The following NRXN1 variants were observed in gnomAD, a reference collection of about 807,000 sequenced individuals.
NRXN1 encodes the protein neurexin-1.
A neutral mutation model predicts 150.9 loss-of-function variants in NRXN1; 39 were observed. The observed-to-expected ratio is 0.26, with a 90% CI of 0.20 to 0.34. The LOEUF (loss-of-function observed/expected upper bound fraction) is 0.34. Among genes scored for constraint, NRXN1 ranks in the 10% least tolerant of loss-of-function variants. The pLI is 1.00. For missense variants in NRXN1, 1,815 were observed against 1,949.9 expected (o/e 0.93, Z 1.30); for synonymous variants, 924 against 757.0 (o/e 1.22, Z -3.62).
At chr2:50,202,007 T>G (rs746350553) in intron 18 of NRXN1, among the ~76,000 whole-genome samples, 1 of 152,194 alleles carries the variant, frequency 6.6e-6, no homozygotes, top group Non-Finnish European at 1.5e-5. Flanking sequence ...TTACTGAGTA[T>G]CTCTCCTAAT....
At chr2:50,610,783 C>T (rs113435471) in intron 8 of NRXN1, among the ~76,000 whole-genome samples, 1 of 141,656 alleles carries the variant, frequency 7.1e-6, no homozygotes, top group African/African-American at 2.7e-5. Flanking sequence ...TATATATATA[C>T]ACACACACAT....
At chr2:50,391,089 G>T (rs966265330) in intron 17 of NRXN1, among the ~76,000 whole-genome samples, 2 of 151,934 alleles carry the variant, frequency 1.3e-5, no homozygotes, top group Admixed American at 1.3e-4. Flanking sequence ...AAGAATTTTG[G>T]CCTCCCTAGT....
chr2:50,503,075 A>G (rs989341912), intron 13 of NRXN1, among the ~76,000 whole-genome samples: 5 of 152,150 alleles, frequency 3.3e-5, no homozygotes, highest in African/African-American at 1.2e-4. Context: ...TGGGAGGCCA[A>G]TATGGGTGGA....
chr2:50,107,677 A>G (rs1325936828), intron 18 of NRXN1, among the ~76,000 whole-genome samples: 1 of 151,624 alleles, frequency 6.6e-6, no homozygotes, highest in African/African-American at 2.4e-5. Context: ...GGCAGTTAAT[A>G]AAACTATTAC....
At chr2:50,861,231 T>G (rs1676088071) in intron 5 of NRXN1, among the ~76,000 whole-genome samples, 1 of 152,012 alleles carries the variant, frequency 6.6e-6, no homozygotes, top group Non-Finnish European at 1.5e-5. Context: ...TCTTATTATT[T>G]TGAGACAGAG....
At chr2:50,594,398 A>T (rs866252537) in intron 8 of NRXN1, among the ~76,000 whole-genome samples, 9 of 152,218 alleles carry the variant, frequency 5.9e-5, no homozygotes, top group Admixed American at 1.3e-4. Flanking sequence ...CCCTAAAAAA[A>T]TCAACATGCA....
chr2:50,817,673 C>G (rs1669126026), intron 5 of NRXN1, among the ~76,000 whole-genome samples: 1 of 152,000 alleles, frequency 6.6e-6, no homozygotes, highest in Non-Finnish European at 1.5e-5. Context: ...GAAGAGGGAT[C>G]TATTCCTGGG....
rs775390746 is a variant in NRXN1, at chr2:50,497,314, T to A, written c.2879+19A>T. ...TTCCAAAGTTTTATTTATTTGCTATTGAACAGGCATGTACTCACCCTTTAA... is the reference window on the plus strand; with the variant it reads ...TTCCAAAGTTTTATTTATTTGCTATAGAACAGGCATGTACTCACCCTTTAA... On this transcript the variant is annotated intron_variant, in intron 14 of 22. Transcript: ENST00000401669. 1 of 1,442,050 alleles carries A rather than the reference T, an allele frequency of 6.9e-7. No individual in the cohort carries two copies. The highest frequency in any genetic ancestry group is 9.1e-7 in the Non-Finnish European group (1 of 1,097,770). 89.3% of individuals were successfully genotyped at this position (1,442,050 alleles called of 1,614,324 possible).
Position 51,000,336 on chromosome 2 carries a change from A to C in NRXN1, c.772+27166T>G, listed in dbSNP as rs139683799. 3.9e-5 allele frequency among the ~76,000 whole-genome samples: 6 copies of C among 152,104 alleles called. 1 individual carries two copies. Among genetic ancestry groups the C allele is most frequent in the African/African-American group, 1.4e-4 (6 of 41,524 alleles). ...TTGCCATTTTCTGAACATCAATTAC[A>C]TTATACATAACACTCCTATTGATTT... On this transcript the variant is annotated intron_variant, in intron 2 of 22. Transcript: ENST00000401669.
rs917124166 is a variant in NRXN1, at chr2:50,203,721, T to C, written c.3546+33068A>G. Among the ~76,000 whole-genome samples, 4 of 152,194 alleles carry C rather than the reference T, an allele frequency of 2.6e-5. No individual in the cohort carries two copies. The East Asian group carries it at 7.7e-4, about 29-fold the overall frequency. The stretch of plus-strand genomic sequence containing the variant: ...AAGAAAAGAGAAGACATATGCCCTA[T>C]TATTTGTGTTATATTACATGCATTA... On this transcript the variant is annotated intron_variant, in intron 18 of 22. Coordinates refer to ENST00000401669, the MANE Select transcript of NRXN1 (RefSeq NM_001330078.2).
chr2:50,774,445 G>C (rs1157124007), intron 5 of NRXN1, among the ~76,000 whole-genome samples: 1 of 152,098 alleles, frequency 6.6e-6, no homozygotes, highest in African/African-American at 2.4e-5. Flanking sequence ...CAGTGGTTCT[G>C]TGTATATGAC....
At chr2:50,110,491 C>CAAAAAA (rs5831088) in intron 18 of NRXN1, among the ~76,000 whole-genome samples, 23 of 85,594 alleles carry the variant, frequency 2.7e-4, no homozygotes, top group African/African-American at 6.8e-4. Context: ...GACTCTGTCT[C>CAAAAAA]AAAAAAAAAA....
chr2:50,123,648 A>G (rs1469308584), intron 18 of NRXN1, among the ~76,000 whole-genome samples: 1 of 152,198 alleles, frequency 6.6e-6, no homozygotes, highest in Non-Finnish European at 1.5e-5. Context: ...TTAGCAGACT[A>G]TTGAAATACT....
At chr2:50,223,646 T>C (rs1324217397) in intron 18 of NRXN1, among the ~76,000 whole-genome samples, 2 of 151,920 alleles carry the variant, frequency 1.3e-5, no homozygotes, top group Non-Finnish European at 2.9e-5. Context: ...TTAACAGTAA[T>C]GAACAGATGA....
intron 5 of NRXN1, among the ~76,000 whole-genome samples, chr2:50,859,795 TATTATATACACACACAC>T (rs1457856064): frequency 1.9e-4 from 29 of 150,688 alleles, no homozygotes; most frequent in Admixed American, 6.6e-4. Context: ...CACACGCACA[TATTATATACACACACAC>T]ATTATATACA....
Position 50,063,649 on chromosome 2 carries a change from A to G in NRXN1, c.3719-8605T>C, listed in dbSNP as rs1168016572. 1.1e-4 allele frequency among the ~76,000 whole-genome samples: 16 copies of G among 151,846 alleles called. 1 individual carries two copies. Among genetic ancestry groups the G allele is most frequent in the Admixed American group, 9.2e-4 (14 of 15,202 alleles). On this transcript the variant is annotated intron_variant, in intron 19 of 22. Coordinates refer to ENST00000401669, the MANE Select transcript of NRXN1 (RefSeq NM_001330078.2). ...CAGCTTATACATTTCTCAAGGAAGCATTCCCTGTGTCCCCTACTGCTCCAC... is the reference window on the plus strand; with the variant it reads ...CAGCTTATACATTTCTCAAGGAAGCGTTCCCTGTGTCCCCTACTGCTCCAC...
chr2:50,722,420 T>C (rs545189386), intron 5 of NRXN1, among the ~76,000 whole-genome samples: 1 of 152,278 alleles, frequency 6.6e-6, no homozygotes, highest in Admixed American at 6.5e-5. Context: ...AGGTTAATTA[T>C]GATATATCCA....
chr2:49,978,208 C>G (rs1324858750), intron 21 of NRXN1, among the ~76,000 whole-genome samples: 1 of 152,036 alleles, frequency 6.6e-6, no homozygotes, highest in African/African-American at 2.4e-5. Flanking sequence ...GGAGGACTAG[C>G]TGAGGAAATA....
chr2:50,289,409 T>C (rs1335255774), intron 17 of NRXN1, among the ~76,000 whole-genome samples: 1 of 152,144 alleles, frequency 6.6e-6, no homozygotes, highest in Non-Finnish European at 1.5e-5. Flanking sequence ...ATTTTAGTAG[T>C]AATGCTTCCC....
Sources: gnomAD v4.1 joint callset for allele counts (sites outside exome capture counted in the v4.1 genomes callset) on GRCh38, gnomAD v4.1.1 for gene constraint, MANE v1.5 for transcripts, NCBI Gene and HGNC (gene_info 2026-07-23, HGNC 2026-07-21) for gene names.